The following SYNE1 variants were observed in gnomAD, a reference collection of about 807,000 sequenced individuals.
SYNE1 encodes the protein spectrin repeat containing nuclear envelope protein 1.
In SYNE1, 616 loss-of-function variants were observed where a neutral mutation model predicts 1,111.0. The observed-to-expected ratio is 0.55, with a 90% CI of 0.52 to 0.59. The LOEUF (loss-of-function observed/expected upper bound fraction) is 0.59, where lower values mean the gene tolerates loss of function less well. Ranked by LOEUF, SYNE1 falls within the 20% of genes least tolerant of loss-of-function variation. SYNE1 has a pLI of 0.00. For missense variants in SYNE1, 10,006 were observed against 10,417.0 expected (o/e 0.96, Z 1.72); for synonymous variants, 3,855 against 3,825.8 (o/e 1.01, Z -0.28).
chr6:152,589,522 T>A (rs1056475288), intron 3 of SYNE1, among the ~76,000 whole-genome samples: 7 of 152,150 alleles, frequency 4.6e-5, no homozygotes, highest in African/African-American at 1.7e-4. Flanking sequence ...GGTCAGAAGT[T>A]ACAATGTTAA....
At chr6:152,337,750 T>C (rs9478315) in intron 75 of SYNE1, among the ~76,000 whole-genome samples, 69,792 of 152,116 alleles carry the variant, frequency 0.46, 16,056 homozygotes, top group East Asian at 0.56. Context: ...TTCATCTGTC[T>C]TACAACATGC....
intron 50 of SYNE1, among the ~76,000 whole-genome samples, 181 bp downstream of exon 50, chr6:152,396,594 T>A (rs557420967): frequency 3.3e-5 from 5 of 152,334 alleles, no homozygotes; most frequent in African/African-American, 9.6e-5. Context: ...AGCCAAGTCA[T>A]AACTTCAGAG....
Position 152,268,180 on chromosome 6 carries a change from G to A in SYNE1, c.18706-15C>T. 2.5e-6 allele frequency: 4 copies of A among 1,597,698 alleles called. No homozygotes were observed. Among genetic ancestry groups the A allele is most frequent in the Non-Finnish European group, 3.4e-6 (4 of 1,165,058 alleles). On this transcript the variant is annotated splice_polypyrimidine_tract_variant and intron_variant, in intron 99 of 145. Transcript: ENST00000367255. ...TGTTCTAACTCCTGCTCAAGGGAAA[G>A]GACAAACGCAAACACATTTGCTACT...
intron 3 of SYNE1, among the ~76,000 whole-genome samples, chr6:152,598,645 C>A (rs2128614818): frequency 6.6e-6 from 1 of 152,282 alleles, no homozygotes; most frequent in East Asian, 1.9e-4. Context: ...AAAAGAAAGT[C>A]TGCCATTTGT....
intron 91 of SYNE1, among the ~76,000 whole-genome samples, chr6:152,303,224 C>T (rs1475725230): frequency 1.0e-4 from 15 of 148,178 alleles, no homozygotes; most frequent in African/African-American, 3.2e-4. Flanking sequence ...GAGGCTGAGA[C>T]GAGGGGATCA....
chr6:152,375,232 C>T (rs1034773921), intron 58 of SYNE1, among the ~76,000 whole-genome samples: 3 of 152,128 alleles, frequency 2.0e-5, no homozygotes, highest in South Asian at 2.1e-4. Context: ...TGTGAGCCGC[C>T]GCGCCTGGCT....
intron 4 of SYNE1, among the ~76,000 whole-genome samples, chr6:152,531,353 G>T (rs1036516644): frequency 5.3e-5 from 8 of 152,164 alleles, no homozygotes; most frequent in African/African-American, 1.9e-4. Context: ...GATGGAAAAG[G>T]TGTTACATTG....
rs547064159 is a variant in SYNE1 at position 152,607,078 on chromosome 6, G to A, written c.67+21187C>T. Among the ~76,000 whole-genome samples, 5 of 142,274 alleles carry A rather than the reference G, an allele frequency of 3.5e-5. No individual in the cohort carries two copies. In the East Asian group the frequency reaches 6.5e-4, roughly 18 times the overall value. The allele number at this position is 142,274 out of a possible 152,430, so 93.3% of individuals were successfully genotyped here. A position where few individuals can be genotyped will look rare whatever the true frequency, so the allele number is the denominator to read the frequency against. On this transcript the variant is annotated intron_variant, in intron 3 of 145. Transcript: ENST00000367255. ...CGTCTCACTGCAAGCTCCACCTCCC[G>A]GGTTCACGCCATTCTCCTGCCTCAG...
rs76515975 is a variant in SYNE1, at chr6:152,525,625, T to C, written c.225+455A>G. Among the ~76,000 whole-genome samples the C allele has an allele frequency of 7.6e-4, 115 of 152,276 alleles. 1 individual carries two copies. Among genetic ancestry groups the C allele is most frequent in the Non-Finnish European group, 1.5e-4 (10 of 68,006 alleles). On this transcript the variant is annotated intron_variant, in intron 5 of 145. Transcript: ENST00000367255. ...GCTACAAATGATGGATGATGGATGA[T>C]GTCAACAAGAATATGAAAAATGCCA... is the stretch of plus-strand genomic sequence containing the variant.
At position 152,240,996 on chromosome 6, in the gene SYNE1, A is replaced by G. The variant is rs1008952099; in HGVS notation, c.19893+1244T>C. ...TTCATCTAGCCCAACATGCAATGAA[A>G]GCTGAGATTCCTTTTACAAGCCCAT... On this transcript the variant is annotated intron_variant, in intron 107 of 145. Transcript: ENST00000367255. Among the ~76,000 whole-genome samples, 6 of 152,370 alleles carry G rather than the reference A, an allele frequency of 3.9e-5. No individual in the cohort carries two copies. In the East Asian group the frequency reaches 7.7e-4, roughly 20 times the overall value.
At chr6:152,266,727 T>A (rs1207087960) in intron 100 of SYNE1, among the ~76,000 whole-genome samples, 1 of 152,218 alleles carries the variant, frequency 6.6e-6, no homozygotes, top group East Asian at 1.9e-4. Flanking sequence ...AATGCCTTCC[T>A]ATTTCCTACA....
chr6:152,229,679 T>C (rs950183222), intron 115 of SYNE1, among the ~76,000 whole-genome samples: 2 of 152,128 alleles, frequency 1.3e-5, no homozygotes, highest in Non-Finnish European at 2.9e-5. Flanking sequence ...AGGACATTCA[T>C]AGGCCAATCC....
intron 30 of SYNE1, among the ~76,000 whole-genome samples, chr6:152,443,385 C>T (rs929582644): frequency 1.3e-5 from 2 of 152,150 alleles, no homozygotes; most frequent in Admixed American, 1.3e-4. Context: ...CTGCCTCAGC[C>T]TCCTGAGTAG....
chr6:152,297,266 T>C (rs2094924326), intron 93 of SYNE1, among the ~76,000 whole-genome samples: 1 of 152,158 alleles, frequency 6.6e-6, no homozygotes, highest in African/African-American at 2.4e-5. Flanking sequence ...TTCTTCTGCC[T>C]GAAAATCTTC....
intron 3 of SYNE1, among the ~76,000 whole-genome samples, chr6:152,560,786 A>G (rs144996546): frequency 1.7e-3 from 255 of 152,328 alleles, no homozygotes; most frequent in African/African-American, 5.7e-3. Context: ...AATGTGATAT[A>G]CCATAATAAT....
intron 41 of SYNE1, among the ~76,000 whole-genome samples, chr6:152,415,507 A>C (rs1192749157): frequency 6.6e-6 from 1 of 152,112 alleles, no homozygotes; most frequent in Non-Finnish European, 1.5e-5. Context: ...CTCTCCTCTG[A>C]ACTAATGAGC....
chr6:152,578,172 T>G (rs576101816), intron 3 of SYNE1, among the ~76,000 whole-genome samples: 1 of 152,290 alleles, frequency 6.6e-6, no homozygotes, highest in South Asian at 2.1e-4. Flanking sequence ...TTTCAAAAAG[T>G]TTTTAAATTA....
intron 3 of SYNE1, among the ~76,000 whole-genome samples, chr6:152,599,813 C>T (rs552828489): frequency 3.9e-5 from 6 of 152,118 alleles, no homozygotes; most frequent in African/African-American, 7.2e-5. Context: ...AAATCATATA[C>T]GTATCCTATA....
intron 98 of SYNE1, among the ~76,000 whole-genome samples, chr6:152,273,819 T>G (rs547834109): frequency 6.6e-6 from 1 of 152,188 alleles, no homozygotes; most frequent in Admixed American, 6.5e-5. Flanking sequence ...CTGGGCCTGC[T>G]CCCCTCATTG....
Sources: allele counts gnomAD v4.1 joint callset (sites outside exome capture counted in the v4.1 genomes callset), GRCh38; gene constraint gnomAD v4.1.1; transcripts MANE v1.5; gene names NCBI Gene and HGNC (gene_info 2026-07-23, HGNC 2026-07-21).